STEAP4: variants seen among roughly 807,000 people sequenced by gnomAD.
STEAP4 encodes the protein metalloreductase STEAP4.
STEAP4 carries 36 observed loss-of-function variants against 43.6 expected under a neutral mutation model. The observed-to-expected ratio is 0.83, with a 90% CI of 0.63 to 1.09. The LOEUF is 1.09. Among genes scored for constraint, STEAP4 ranks in the 50% least tolerant of loss-of-function variants. The probability of loss-of-function intolerance (pLI) is 0.00; values close to 1 mark genes in which losing one functional copy is unlikely to be tolerated. For missense variants in STEAP4, 495 were observed against 546.5 expected (o/e 0.91, Z 0.94); for synonymous variants, 191 against 196.7 (o/e 0.97, Z 0.24).
chr7:88,289,866 A>G (rs1195948598), intron 1 of STEAP4, among the ~76,000 whole-genome samples: 2 of 152,204 alleles, frequency 1.3e-5, no homozygotes, highest in African/African-American at 4.8e-5. Context: ...CTAGTTTAGC[A>G]ATTTACCTTC....
At chr7:88,283,248 C>G in intron 2 of STEAP4, 80 bp from the exon 3 acceptor site, 5 of 1,376,704 alleles carry the variant, frequency 3.6e-6, no homozygotes, top group Non-Finnish European at 4.8e-6. Flanking sequence ...TACAACAGCA[C>G]CATGCCAAAT....
chr7:88,296,755 A>G (rs1852931074), intron 1 of STEAP4, among the ~76,000 whole-genome samples: 1 of 152,192 alleles, frequency 6.6e-6, no homozygotes, highest in Non-Finnish European at 1.5e-5. Flanking sequence ...CAATTTATTC[A>G]CTGAGCTATT....
In STEAP4 at chr7:88,276,153, C is replaced by G. The variant is rs939577727; in HGVS notation, c.*3245G>C. The G allele has an allele frequency of 3.3e-5, 5 of 152,220 alleles. No individual in the cohort carries two copies. The highest frequency in any genetic ancestry group is 1.2e-4 in the African/African-American group (5 of 41,416). 9.4% of individuals were successfully genotyped at this position (152,220 alleles called of 1,614,324 possible). On this transcript the variant is annotated 3_prime_UTR_variant, in exon 5 of 5. Transcript: ENST00000380079. ...CCAGCGTGGGATAGTGCAGTCCTCC[C>G]CATTTAGCCATCTGATGCTCTCCCC...
chr7:88,289,471 G>A (rs1852799910), intron 1 of STEAP4, among the ~76,000 whole-genome samples: 1 of 152,190 alleles, frequency 6.6e-6, no homozygotes, highest in Admixed American at 6.5e-5. Flanking sequence ...CACAGTGTAT[G>A]TAGAGTTTGC....
intron 1 of STEAP4, chr7:88,298,249 T>A (rs1009010241): frequency 6.6e-6 from 1 of 152,010 alleles, no homozygotes; most frequent in African/African-American, 2.4e-5. Context: ...AAATGAAAGA[T>A]TATGAAATGC....
In STEAP4 at chr7:88,279,636, C is replaced by CCCAGTTTGGA; in HGVS notation, c.1150-9_1150-8insTCCAAACTGG. ...CAAATAACCCAGTTTGGACTATAAA[C>CCCAGTTTGGA]AAGAAACAAAAATATGTAAGTTAAC... is the stretch of plus-strand genomic sequence containing the variant. On this transcript the variant is annotated splice_polypyrimidine_tract_variant and intron_variant, in intron 4 of 4. Coordinates refer to ENST00000380079, the MANE Select transcript of STEAP4 (RefSeq NM_024636.4). The CCCAGTTTGGA allele has an allele frequency of 7.5e-6, 12 of 1,596,546 alleles. No homozygotes were observed. Among genetic ancestry groups the CCCAGTTTGGA allele is most frequent in the Non-Finnish European group, 1.0e-5 (12 of 1,169,482 alleles).
chr7:88,272,421 T>C lies in STEAP4; in HGVS notation c.*6977A>G, dbSNP rs1164143568. On this transcript the variant is annotated 3_prime_UTR_variant, in exon 5 of 5. Transcript: ENST00000380079. ...TTCCCAGTATCTAATAATTTGATGATTTTTAACTTCCAGTATAAACTCTTT... is the reference window on the plus strand; with the variant it reads ...TTCCCAGTATCTAATAATTTGATGACTTTTAACTTCCAGTATAAACTCTTT... 1 of 152,182 alleles carries C rather than the reference T, an allele frequency of 6.6e-6. No individual in the cohort carries two copies. Among genetic ancestry groups the C allele is most frequent in the Non-Finnish European group, 1.5e-5 (1 of 68,038 alleles). The allele number at this position is 152,182 out of a possible 1,614,324, so 9.4% of individuals were successfully genotyped here. A position where few individuals can be genotyped will look rare whatever the true frequency, so the allele number is the denominator to read the frequency against.
At chr7:88,305,463 C>G (rs1853112617) in intron 1 of STEAP4, among the ~76,000 whole-genome samples, 1 of 152,020 alleles carries the variant, frequency 6.6e-6, no homozygotes, top group Non-Finnish European at 1.5e-5. Flanking sequence ...ATTATACCTA[C>G]TGTATCAGAA....
At chr7:88,294,337 T>C (rs1446672696) in intron 1 of STEAP4, among the ~76,000 whole-genome samples, 50 of 152,048 alleles carry the variant, frequency 3.3e-4, no homozygotes, top group Admixed American at 3.3e-3. Context: ...ATAAATTTTG[T>C]CTTTAGACTT....
intron 1 of STEAP4, among the ~76,000 whole-genome samples, chr7:88,296,041 G>A (rs1322206470): frequency 6.6e-6 from 1 of 152,124 alleles, no homozygotes; most frequent in Non-Finnish European, 1.5e-5. Context: ...CCAGATTCAA[G>A]ACTTGTCAAA....
intron 1 of STEAP4, among the ~76,000 whole-genome samples, chr7:88,302,057 T>C (rs1472471712): frequency 6.6e-6 from 1 of 152,210 alleles, no homozygotes; most frequent in African/African-American, 2.4e-5. Context: ...TGCTATACAG[T>C]TCAAAGCAAC....
intron 1 of STEAP4, among the ~76,000 whole-genome samples, chr7:88,299,745 T>C (rs865785993): frequency 1.2e-4 from 18 of 152,390 alleles, no homozygotes; most frequent in African/African-American, 3.6e-4. Flanking sequence ...CATTTATCTT[T>C]AGATTAAGGC....
At position 88,279,624 on chromosome 7, in the gene STEAP4, T is replaced by A. The variant is rs774576497; in HGVS notation, c.1154A>T (p.Lys385Ile). 7.4e-5 allele frequency: 119 copies of A among 1,610,258 alleles called. 1 individual carries two copies. In the South Asian group the frequency reaches 1.3e-3, roughly 17 times the overall value. ...NWREFRFVQS[K>I]LGYLTLILCT... ...CAAGATCAGGGTCAAATAACCCAGT[T>A]TGGACTATAAACAAGAAACAAAAAT... The change falls in exon 5 of 5, where the codon AAA (lysine) becomes ATA (isoleucine). Residue 385 changes from lysine (K) to isoleucine (I), a missense_variant. Physicochemically the swap from Lys to Ile is moderately radical, Grantham distance 102 (BLOSUM62 -3). Coordinates refer to ENST00000380079, the MANE Select transcript of STEAP4 (RefSeq NM_024636.4).
At chr7:88,296,549 T>A (rs1389581218) in intron 1 of STEAP4, among the ~76,000 whole-genome samples, 1 of 148,628 alleles carries the variant, frequency 6.7e-6, no homozygotes, top group East Asian at 1.9e-4. Flanking sequence ...GATGACTTGA[T>A]AACATATTTG....
chr7:88,289,171 A>T (rs970380650), intron 1 of STEAP4, among the ~76,000 whole-genome samples: 1 of 152,024 alleles, frequency 6.6e-6, no homozygotes, highest in Non-Finnish European at 1.5e-5. Flanking sequence ...GAAATTTATA[A>T]ATATTCGTTG....
chr7:88,291,941 C>T (rs1852840856), intron 1 of STEAP4, among the ~76,000 whole-genome samples: 1 of 152,088 alleles, frequency 6.6e-6, no homozygotes, highest in Admixed American at 6.5e-5. Context: ...GAATCATTTC[C>T]CAGAGATGAC....
intron 1 of STEAP4, among the ~76,000 whole-genome samples, chr7:88,288,260 T>G (rs1325689035): frequency 6.6e-6 from 1 of 152,218 alleles, no homozygotes; most frequent in Non-Finnish European, 1.5e-5. Flanking sequence ...AACCTCCGCC[T>G]CCCAGGTTCA....
intron 1 of STEAP4, among the ~76,000 whole-genome samples, chr7:88,301,320 C>T (rs1853029131): frequency 6.6e-6 from 1 of 152,216 alleles, no homozygotes; most frequent in African/African-American, 2.4e-5. Context: ...GTCACCCAGG[C>T]AGGAGTGCAG....
intron 1 of STEAP4, among the ~76,000 whole-genome samples, chr7:88,302,917 G>A (rs1172988480): frequency 1.6e-5 from 2 of 127,700 alleles, no homozygotes; most frequent in East Asian, 2.6e-4. Flanking sequence ...TCGCGCTACT[G>A]TACTCCAGCC....
Sources: gnomAD v4.1 joint callset for allele counts (sites outside exome capture counted in the v4.1 genomes callset) on GRCh38, gnomAD v4.1.1 for gene constraint, MANE v1.5 for transcripts, NCBI Gene and HGNC (gene_info 2026-07-23, HGNC 2026-07-21) for gene names.